The following STX3 variants were observed in gnomAD, a reference collection of about 807,000 sequenced individuals.
The protein encoded by STX3 is syntaxin 3.
Under a neutral mutation model 40.2 loss-of-function variants are expected in STX3, and 19 were observed. That is an observed-to-expected ratio of 0.47 (90% CI 0.33 to 0.69). The LOEUF is 0.69. Ranked by LOEUF, STX3 falls within the 30% of genes least tolerant of loss-of-function variation. The pLI is 0.02. For missense variants in STX3, 364 were observed against 366.7 expected (o/e 0.99, Z 0.06); for synonymous variants, 122 against 132.2 (o/e 0.92, Z 0.53).
chr11:59,788,517 G>A (rs939476497), intron 3 of STX3, among the ~76,000 whole-genome samples: 1 of 152,118 alleles, frequency 6.6e-6, no homozygotes, highest in Non-Finnish European at 1.5e-5. Context: ...TTCCCCATAA[G>A]CTCCCTAGAA....
At chr11:59,771,685 G>T (rs982153465) in intron 1 of STX3, among the ~76,000 whole-genome samples, 14 of 152,218 alleles carry the variant, frequency 9.2e-5, no homozygotes, top group Admixed American at 3.9e-4. Flanking sequence ...TGTGTCCAGG[G>T]AATGGTGTGT....
At chr11:59,794,189 G>C (rs375068286) in intron 8 of STX3, among the ~76,000 whole-genome samples, 2 of 152,048 alleles carry the variant, frequency 1.3e-5, no homozygotes, top group South Asian at 4.1e-4. Context: ...TTGACAGAAA[G>C]ACTCGAAACA....
intron 5 of STX3, among the ~76,000 whole-genome samples, 180 bp downstream of exon 5, chr11:59,790,766 C>T (rs1202276565): frequency 6.6e-6 from 1 of 152,084 alleles, no homozygotes; most frequent in Non-Finnish European, 1.5e-5. Context: ...CCTTTTGGCT[C>T]CTCTCCTGTA....
chr11:59,799,663 T>C (rs1376222083), intron 10 of STX3: 1 of 985,356 alleles, frequency 1.0e-6, no homozygotes, highest in African/African-American at 1.7e-5. Context: ...CTTCCTTTTA[T>C]ATTTGTTTCA....
At chr11:59,790,255 A>G (rs1205244871) in intron 4 of STX3, among the ~76,000 whole-genome samples, 1 of 152,240 alleles carries the variant, frequency 6.6e-6, no homozygotes. Context: ...AGTCACACCC[A>G]GTAAGTGCCA....
At chr11:59,757,714 G>A (rs1221801663) in intron 1 of STX3, among the ~76,000 whole-genome samples, 1 of 152,038 alleles carries the variant, frequency 6.6e-6, no homozygotes, top group Non-Finnish European at 1.5e-5. Flanking sequence ...ACAGGTGGCA[G>A]GTTCCAAGAC....
intron 9 of STX3, chr11:59,795,779 C>T: frequency 7.3e-7 from 1 of 1,379,108 alleles, no homozygotes; most frequent in Non-Finnish European, 9.9e-7. Flanking sequence ...TCCCTGGCCA[C>T]CCCTACCTGT....
At chr11:59,799,150 A>C (rs957357005) in intron 10 of STX3, among the ~76,000 whole-genome samples, 1 of 152,038 alleles carries the variant, frequency 6.6e-6, no homozygotes, top group Admixed American at 6.5e-5. Flanking sequence ...TTGGCCTCCC[A>C]AAGTGCTGGG....
At chr11:59,778,940 C>A (rs539286337) in intron 2 of STX3, among the ~76,000 whole-genome samples, 1 of 150,048 alleles carries the variant, frequency 6.7e-6, no homozygotes, top group African/African-American at 2.5e-5. Flanking sequence ...TGGGTTCAAG[C>A]GATTTTCCTG....
intron 2 of STX3, chr11:59,781,693 T>G: frequency 6.2e-7 from 1 of 1,600,446 alleles, no homozygotes; most frequent in Non-Finnish European, 8.5e-7. Flanking sequence ...AGGCGCCATC[T>G]TCCTTCCAGC....
At position 59,803,843 on chromosome 11, in the gene STX3, T is replaced by C. The variant is rs189299452; in HGVS notation, c.*3019T>C. ...ATTTTTCTGTTATCTCCCACAGCCC[T>C]CACAGATTGATCGACTGGCATTTCT... is the stretch of plus-strand genomic sequence containing the variant. On this transcript the variant is annotated 3_prime_UTR_variant, in exon 11 of 11. Coordinates refer to ENST00000337979, the MANE Select transcript of STX3 (RefSeq NM_004177.5). 9 of 153,178 alleles carry C rather than the reference T, an allele frequency of 5.9e-5. No individual in the cohort carries two copies. In the East Asian group the frequency reaches 1.5e-3, roughly 26 times the overall value. The allele number at this position is 153,178 out of a possible 1,614,324, so 9.5% of individuals were successfully genotyped here.
rs757511317 is a variant in STX3, at chr11:59,793,381, T to A, written c.542T>A (p.Ile181Asn). The change falls in exon 8 of 11, where the codon ATC becomes AAC. Residue 181 changes from isoleucine (I) to asparagine (N), a missense_variant and splice_region_variant. Ile to Asn is a moderately radical substitution (Grantham distance 149). Coordinates refer to ENST00000337979, the MANE Select transcript of STX3 (RefSeq NM_004177.5). ...SGNPAIFTSG[I>N]IDSQISKQAL... Reference sequence around the variant, plus strand: ...CAGTCTGTGTGTGGCCTGTTGTAGATCATTGACTCACAGATTTCCAAGCAA... The same window carrying A: ...CAGTCTGTGTGTGGCCTGTTGTAGAACATTGACTCACAGATTTCCAAGCAA... 3 of 1,613,466 alleles carry A rather than the reference T, an allele frequency of 1.9e-6. No homozygotes were observed. The highest frequency in any genetic ancestry group is 2.5e-6 in the Non-Finnish European group (3 of 1,179,700).
intron 1 of STX3, among the ~76,000 whole-genome samples, chr11:59,764,918 A>ATTG (rs1863212193): frequency 6.8e-6 from 1 of 147,674 alleles, no homozygotes; most frequent in Admixed American, 6.9e-5. Flanking sequence ...TATTATTATT[A>ATTG]TTGTTAGGGC....
At position 59,803,097 on chromosome 11, in the gene STX3, T is replaced by C. The variant is rs1277283807; in HGVS notation, c.*2273T>C. ...CTAGAAGCCAGATCCATCTCCTTTT[T>C]CCTTCTGTTGCTCTCTTCCTTCACA... On this transcript the variant is annotated 3_prime_UTR_variant, in exon 11 of 11. Coordinates refer to ENST00000337979, the MANE Select transcript of STX3 (RefSeq NM_004177.5). The C allele has an allele frequency of 2.4e-6, 3 of 1,228,420 alleles. No homozygotes were observed. The highest frequency in any genetic ancestry group is 3.0e-6 in the Non-Finnish European group (3 of 986,326). The allele number at this position is 1,228,420 out of a possible 1,614,324, so 76.1% of individuals were successfully genotyped here.
chr11:59,802,222 A>G lies in STX3; in HGVS notation c.*1398A>G, dbSNP rs1865911816. The G allele has an allele frequency of 1.0e-6, 1 of 985,316 alleles. No individual in the cohort carries two copies. The highest frequency in any genetic ancestry group is 4.7e-5 in the South Asian group (1 of 21,286). 61.0% of individuals were successfully genotyped at this position (985,316 alleles called of 1,614,324 possible). A position where few individuals can be genotyped will look rare whatever the true frequency, so the allele number is the denominator to read the frequency against. On this transcript the variant is annotated 3_prime_UTR_variant, in exon 11 of 11. Transcript: ENST00000337979. ...CTTGGCAGGTTCTTTGTCTCACTGA[A>G]TTCTTATCATGGAAACAGCAGCAGC...
intron 5 of STX3, among the ~76,000 whole-genome samples, chr11:59,791,005 AGACCCAGCAGGAGGATGC>A (rs534774585): frequency 4.7e-4 from 71 of 152,142 alleles, no homozygotes; most frequent in Non-Finnish European, 8.7e-4. Flanking sequence ...CTATTACCTA[AGACCCAGCAGGAGGATGC>A]GACCCAGCAG....
intron 2 of STX3, among the ~76,000 whole-genome samples, chr11:59,777,643 G>T (rs1241636770): frequency 6.6e-6 from 1 of 152,198 alleles, no homozygotes; most frequent in African/African-American, 2.4e-5. Context: ...TGGGGTTAGG[G>T]ATGGTGCCGT....
chr11:59,799,322 TCAGA>T (rs113262699), intron 10 of STX3, among the ~76,000 whole-genome samples: 15,786 of 152,246 alleles, frequency 0.1, 1,133 homozygotes, highest in African/African-American at 0.2. Context: ...GTTCACATAC[TCAGA>T]CATAGTTTTA....
intron 2 of STX3, among the ~76,000 whole-genome samples, chr11:59,784,769 G>T (rs1206470258): frequency 1.3e-5 from 2 of 152,060 alleles, no homozygotes; most frequent in African/African-American, 2.4e-5. Flanking sequence ...GTCTCCCACT[G>T]GGTCCCTCCC....
Sources: gnomAD v4.1 joint callset for allele counts (sites outside exome capture counted in the v4.1 genomes callset) on GRCh38, gnomAD v4.1.1 for gene constraint, MANE v1.5 for transcripts, NCBI Gene and HGNC (gene_info 2026-07-23, HGNC 2026-07-21) for gene names.